Variants in IGSF11 observed in about 807,000 individuals in gnomAD.
IGSF11 encodes the protein immunoglobulin superfamily member 11, also known as CXADR like 1.
Under a neutral mutation model 41.0 loss-of-function variants are expected in IGSF11, and 22 were observed. The ratio of observed to expected loss-of-function variants is 0.54; its 90% CI spans 0.38 to 0.77. The LOEUF (loss-of-function observed/expected upper bound fraction) is 0.77, where lower values mean the gene tolerates loss of function less well. Ranked by LOEUF, IGSF11 falls within the 30% of genes least tolerant of loss-of-function variation. The probability of loss-of-function intolerance (pLI) is 0.00; values close to 1 mark genes in which losing one functional copy is unlikely to be tolerated. For synonymous variants in IGSF11, 219 were observed against 201.3 expected (o/e 1.09, Z -0.74); for missense variants, 444 against 530.8 (o/e 0.84, Z 1.61).
At chr3:119,042,554 TGGG>T (rs1439273938) in intron 1 of IGSF11, among the ~76,000 whole-genome samples, 1 of 152,110 alleles carries the variant, frequency 6.6e-6, no homozygotes, top group East Asian at 1.9e-4. Context: ...ATAATCCCCC[TGGG>T]AACAAAACTC....
At chr3:119,127,500 T>C (rs1428410718) in intron 1 of IGSF11, among the ~76,000 whole-genome samples, 1 of 151,878 alleles carries the variant, frequency 6.6e-6, no homozygotes, top group East Asian at 1.9e-4. Context: ...CCTGGGAAGA[T>C]CCAGGAGAAC....
chr3:119,106,063 G>C (rs1485099178), upstream of IGSF11, among the ~76,000 whole-genome samples: 1 of 152,038 alleles, frequency 6.6e-6, no homozygotes, highest in African/African-American at 2.4e-5. Flanking sequence ...CACGTTAAGA[G>C]GTATGTCTGC....
At chr3:118,995,620 T>A (rs1263967226) in intron 1 of IGSF11, among the ~76,000 whole-genome samples, 1 of 152,016 alleles carries the variant, frequency 6.6e-6, no homozygotes, top group East Asian at 1.9e-4. Flanking sequence ...GAATCAAGGA[T>A]GACTTCCGGG....
At chr3:119,024,622 T>C (rs6773721) in intron 1 of IGSF11, among the ~76,000 whole-genome samples, 121,527 of 152,132 alleles carry the variant, frequency 0.8, 48,827 homozygotes, top group African/African-American at 0.89. Flanking sequence ...CTAACCATAC[T>C]CCTCCATAGC....
intron 1 of IGSF11, among the ~76,000 whole-genome samples, chr3:118,983,137 C>T (rs1934909705): frequency 6.6e-6 from 1 of 152,180 alleles, no homozygotes; most frequent in Admixed American, 6.5e-5. Flanking sequence ...ACTAGGTGAA[C>T]ATGTAAGCAC....
chr3:118,999,881 A>G (rs1202096629), intron 1 of IGSF11, among the ~76,000 whole-genome samples: 2 of 152,138 alleles, frequency 1.3e-5, no homozygotes, highest in Non-Finnish European at 2.9e-5. Context: ...CAAGATGACT[A>G]GAGTACCAGC....
intron 1 of IGSF11, among the ~76,000 whole-genome samples, chr3:118,975,014 A>G (rs1362127041): frequency 6.6e-6 from 1 of 152,126 alleles, no homozygotes; most frequent in Non-Finnish European, 1.5e-5. Flanking sequence ...CCAGTCTCTC[A>G]AAACAAGCCT....
At chr3:119,113,257 C>T (rs958198352) in intron 1 of IGSF11, among the ~76,000 whole-genome samples, 1 of 152,110 alleles carries the variant, frequency 6.6e-6, no homozygotes, top group African/African-American at 2.4e-5. Context: ...TCCCAATAGT[C>T]CCCCAAAGTC....
chr3:118,916,848 T>C (rs967948902), intron 4 of IGSF11, among the ~76,000 whole-genome samples: 12 of 151,658 alleles, frequency 7.9e-5, no homozygotes, highest in Admixed American at 3.3e-4. Context: ...ATTGACCACA[T>C]AGTTGGAAGT....
intron 1 of IGSF11, among the ~76,000 whole-genome samples, chr3:119,094,132 A>G (rs2076808715): frequency 6.9e-6 from 1 of 145,584 alleles, no homozygotes; most frequent in Admixed American, 7.0e-5. Context: ...AAATTTTAAT[A>G]TGGGTCCCAG....
chr3:119,143,632 T>C (rs1250400385), intron 1 of IGSF11, among the ~76,000 whole-genome samples: 1 of 152,146 alleles, frequency 6.6e-6, no homozygotes, highest in Admixed American at 6.5e-5. Flanking sequence ...TTACTTTAAA[T>C]GTAGATGGAT....
At chr3:119,038,206 TAAGA>T (rs774121288), upstream of IGSF11, among the ~76,000 whole-genome samples, 88 of 152,246 alleles carry the variant, frequency 5.8e-4, no homozygotes, top group Non-Finnish European at 9.7e-4. Context: ...ATCATTACAG[TAAGA>T]AAGAAAGTAA....
chr3:119,026,519 A>G (rs1165794185), intron 1 of IGSF11, among the ~76,000 whole-genome samples: 1 of 152,100 alleles, frequency 6.6e-6, no homozygotes, highest in Non-Finnish European at 1.5e-5. Flanking sequence ...AGTGGGTGAA[A>G]CTGTTGGCAC....
intron 4 of IGSF11, among the ~76,000 whole-genome samples, chr3:118,914,385 G>A (rs1018294762): frequency 1.3e-5 from 2 of 151,622 alleles, no homozygotes; most frequent in Non-Finnish European, 2.9e-5. Flanking sequence ...GTGGGCGCAG[G>A]CCAGTGGGTG....
intron 1 of IGSF11, among the ~76,000 whole-genome samples, chr3:119,115,514 C>T (rs1417052620): frequency 1.3e-5 from 2 of 152,160 alleles, no homozygotes; most frequent in Non-Finnish European, 2.9e-5. Flanking sequence ...ATGTTGAGCA[C>T]CTTTTCATAT....
chr3:119,111,838 G>A (rs2077168111), intron 1 of IGSF11, among the ~76,000 whole-genome samples: 1 of 152,200 alleles, frequency 6.6e-6, no homozygotes, highest in African/African-American at 2.4e-5. Context: ...AGGACTGTTG[G>A]AGTTTGCTAG....
intron 1 of IGSF11, among the ~76,000 whole-genome samples, chr3:119,002,859 T>C (rs1401130114): frequency 3.7e-5 from 2 of 53,868 alleles, no homozygotes; most frequent in Non-Finnish European, 6.5e-5. Flanking sequence ...AGTACCATGC[T>C]GTTTTGGTTA....
In IGSF11 at chr3:118,950,499, T is replaced by TCA. The variant is rs1160977532; in HGVS notation, c.53-20226_53-20225dup. On this transcript the variant is annotated intron_variant, in intron 1 of 6. Coordinates refer to ENST00000393775, the MANE Select transcript of IGSF11 (RefSeq NM_001015887.3). The stretch of plus-strand genomic sequence containing the variant: ...CTTTTATATATTTTATAGAGAATAT[T>TCA]CAAGGTTAAGGTTTCTCACTGATGT... Among the ~76,000 whole-genome samples, 9 of 152,188 alleles carry TCA rather than the reference T, an allele frequency of 5.9e-5. No individual in the cohort carries two copies. The East Asian group carries it at 1.7e-3, about 29-fold the overall frequency.
intron 1 of IGSF11, among the ~76,000 whole-genome samples, chr3:119,115,026 G>C (rs4337633): frequency 0.98 from 148,878 of 152,254 alleles, 72,878 homozygotes; most frequent in East Asian, 1. Flanking sequence ...CCAGATCTCA[G>C]TCACTATCAC....
Sources: allele counts gnomAD v4.1 joint callset (sites outside exome capture counted in the v4.1 genomes callset), GRCh38; gene constraint gnomAD v4.1.1; transcripts MANE v1.5; gene names NCBI Gene and HGNC (gene_info 2026-07-23, HGNC 2026-07-21).